Variants in ADAM22 observed in about 807,000 individuals in gnomAD.
The protein encoded by ADAM22 is ADAM metallopeptidase domain 22.
A neutral mutation model predicts 144.6 loss-of-function variants in ADAM22; 65 were observed. The ratio of observed to expected loss-of-function variants is 0.45; its 90% confidence interval spans 0.37 to 0.55. The LOEUF is 0.55. Among genes scored for constraint, ADAM22 ranks in the 20% least tolerant of loss-of-function variants. The probability of loss-of-function intolerance (pLI) is 0.00; values close to 1 mark genes in which losing one functional copy is unlikely to be tolerated. For missense variants in ADAM22, 974 were observed against 1,184.9 expected (o/e 0.82, Z 2.61); for synonymous variants, 391 against 412.6 (o/e 0.95, Z 0.63).
chr7:87,970,768 C>A (rs954220897), intron 2 of ADAM22, among the ~76,000 whole-genome samples: 2 of 152,118 alleles, frequency 1.3e-5, no homozygotes, highest in African/African-American at 4.8e-5. Flanking sequence ...AGCTATTGCC[C>A]ATGAATAATA....
intron 3 of ADAM22, among the ~76,000 whole-genome samples, chr7:88,013,223 A>T (rs1255780865): frequency 1.3e-5 from 2 of 151,896 alleles, no homozygotes; most frequent in Non-Finnish European, 2.9e-5. Flanking sequence ...CTCTATGTTC[A>T]CCTGTTTTTC....
intron 3 of ADAM22, among the ~76,000 whole-genome samples, chr7:88,020,199 A>G (rs758813382): frequency 1.1e-4 from 17 of 152,206 alleles, no homozygotes; most frequent in African/African-American, 2.9e-4. Context: ...AGGGACAAAT[A>G]TGTGTTCTCT....
chr7:88,153,418 C>T (rs1348384038), intron 21 of ADAM22, 92 bp downstream of exon 21: 7 of 1,020,536 alleles, frequency 6.9e-6, no homozygotes, highest in Non-Finnish European at 8.8e-6. Context: ...TTCTGCATCA[C>T]ACAAAGTGTG....
chr7:88,053,622 A>G (rs1459064905), intron 3 of ADAM22, among the ~76,000 whole-genome samples: 1 of 116,392 alleles, frequency 8.6e-6, no homozygotes, highest in Non-Finnish European at 2.0e-5. Flanking sequence ...GAAAGAAAGA[A>G]AGAAAGAAAG....
chr7:87,998,387 C>A (rs576529776), intron 3 of ADAM22, among the ~76,000 whole-genome samples: 4 of 152,090 alleles, frequency 2.6e-5, no homozygotes, highest in South Asian at 2.1e-4. Context: ...GAGAATATCC[C>A]GATTTATCTA....
At chr7:87,935,241 C>G in intron 2 of ADAM22, 55 bp downstream of exon 2, 40 of 1,483,336 alleles carry the variant, frequency 2.7e-5, no homozygotes, top group Non-Finnish European at 3.6e-5. Context: ...CACCCGAGAC[C>G]CCACGATTGC....
At chr7:88,099,265 C>A (rs1259363493) in intron 4 of ADAM22, among the ~76,000 whole-genome samples, 3 of 152,122 alleles carry the variant, frequency 2.0e-5, no homozygotes, top group Non-Finnish European at 4.4e-5. Flanking sequence ...TCTATGCCGG[C>A]AGAAGACAGG....
chr7:88,160,554 C>T lies in ADAM22; in HGVS notation c.1908-2458C>T, dbSNP rs557768135. 4.6e-5 allele frequency among the ~76,000 whole-genome samples: 7 copies of T among 152,168 alleles called. No homozygotes were observed. The South Asian group carries it at 6.2e-4, about 14-fold the overall frequency. Reference sequence around the variant, plus strand: ...AGAATAGAGAGCCCAGAAATAAAGTCGCACACCTGCAACCATCTGATCTTC... The same window carrying T: ...AGAATAGAGAGCCCAGAAATAAAGTTGCACACCTGCAACCATCTGATCTTC... On this transcript the variant is annotated intron_variant, in intron 22 of 31. Coordinates refer to ENST00000413139, the MANE Select transcript of ADAM22 (RefSeq NM_001324418.2).
chr7:88,118,788 C>A (rs1828504258), intron 7 of ADAM22, among the ~76,000 whole-genome samples: 1 of 151,702 alleles, frequency 6.6e-6, no homozygotes, highest in African/African-American at 2.4e-5. Flanking sequence ...AAACTCAGGT[C>A]TGTTTCAATC....
chr7:88,149,612 A>G (rs1157950838), intron 18 of ADAM22, among the ~76,000 whole-genome samples: 1 of 152,194 alleles, frequency 6.6e-6, no homozygotes, highest in Non-Finnish European at 1.5e-5. Context: ...CTCACTTTGA[A>G]GGGTAGTGCC....
intron 3 of ADAM22, among the ~76,000 whole-genome samples, chr7:88,039,121 A>G (rs1021801187): frequency 7.2e-5 from 11 of 151,900 alleles, no homozygotes; most frequent in African/African-American, 2.4e-4. Flanking sequence ...CATAATCATC[A>G]AGTTTATGAG....
At chr7:88,175,009 A>G (rs559878045) in intron 26 of ADAM22, among the ~76,000 whole-genome samples, 10 of 152,296 alleles carry the variant, frequency 6.6e-5, no homozygotes, top group African/African-American at 1.9e-4. Flanking sequence ...CCAGATGCCA[A>G]CCAAGCATTG....
chr7:88,186,592 G>C, intron 29 of ADAM22, 23 bp from the exon 30 acceptor site: 1 of 1,471,654 alleles, frequency 6.8e-7, no homozygotes, highest in Admixed American at 1.7e-5. Context: ...TGCTTTCTTT[G>C]TTCCTTCCAT....
intron 26 of ADAM22, among the ~76,000 whole-genome samples, chr7:88,177,374 A>T (rs1398250227): frequency 5.3e-5 from 8 of 152,164 alleles, no homozygotes; most frequent in Non-Finnish European, 1.0e-4. Flanking sequence ...GTGTCATGTA[A>T]CAATATAAAT....
intron 21 of ADAM22, among the ~76,000 whole-genome samples, chr7:88,154,163 T>C (rs1358168175): frequency 1.3e-5 from 2 of 152,196 alleles, no homozygotes; most frequent in African/African-American, 2.4e-5. Context: ...ATATGGGATG[T>C]AATAATAAGC....
intron 2 of ADAM22, among the ~76,000 whole-genome samples, chr7:87,969,362 C>T (rs184816388): frequency 2.6e-5 from 4 of 152,240 alleles, no homozygotes; most frequent in East Asian, 1.9e-4. Context: ...ATGCATTCCT[C>T]GGTATCCCTA....
At chr7:88,050,329 G>T (rs1272397621) in intron 3 of ADAM22, among the ~76,000 whole-genome samples, 1 of 151,302 alleles carries the variant, frequency 6.6e-6, no homozygotes, top group Non-Finnish European at 1.5e-5. Context: ...GGAGTTTGAG[G>T]CTGCAGTGAG....
At chr7:88,113,703 A>AATGTGTGTATATATATATATATATAT (rs1554478727) in intron 5 of ADAM22, among the ~76,000 whole-genome samples, 1 of 48,106 alleles carries the variant, frequency 2.1e-5, no homozygotes. Context: ...TAAATAAATA[A>AATGTGTGTATATATATATATATATAT]ATATATATAT....
intron 3 of ADAM22, among the ~76,000 whole-genome samples, chr7:88,008,751 G>A (rs760148472): frequency 6.6e-6 from 1 of 151,754 alleles, no homozygotes; most frequent in Admixed American, 6.6e-5. Flanking sequence ...GGACTGTTGT[G>A]GGGTGGGGGT....
Sources: allele counts gnomAD v4.1 joint callset (sites outside exome capture counted in the v4.1 genomes callset), GRCh38; gene constraint gnomAD v4.1.1; transcripts MANE v1.5; gene names NCBI Gene and HGNC (gene_info 2026-07-23, HGNC 2026-07-21).